The following SLIT3 variants were observed in gnomAD, a reference collection of about 807,000 sequenced individuals.
SLIT3 encodes slit homolog 3 protein.
In SLIT3, 68 loss-of-function variants were observed where a neutral mutation model predicts 184.0. The observed-to-expected ratio is 0.37, with a 90% CI of 0.30 to 0.45. The LOEUF (loss-of-function observed/expected upper bound fraction) is 0.45. Ranked by LOEUF, SLIT3 falls within the 20% of genes least tolerant of loss-of-function variation. The pLI, the probability that SLIT3 is intolerant of heterozygous loss-of-function variation, is 1.00. For missense variants in SLIT3, 1,707 were observed against 2,026.0 expected (o/e 0.84, Z 3.02); for synonymous variants, 831 against 828.6 (o/e 1.00, Z -0.05).
intron 4 of SLIT3, among the ~76,000 whole-genome samples, chr5:168,960,160 C>T (rs374907196): frequency 6.4e-4 from 97 of 152,276 alleles, no homozygotes; most frequent in African/African-American, 2.3e-3. Flanking sequence ...TGTAGGAGGG[C>T]AGGGGCCATG....
chr5:169,285,732 C>T (rs952355326), intron 1 of SLIT3, among the ~76,000 whole-genome samples: 3 of 152,216 alleles, frequency 2.0e-5, no homozygotes, highest in Admixed American at 6.5e-5. Context: ...ATAGAGGTCA[C>T]ATGTGTAGAC....
chr5:168,750,819 G>T (rs73802380), intron 18 of SLIT3, among the ~76,000 whole-genome samples: 29 of 152,062 alleles, frequency 1.9e-4, no homozygotes, highest in African/African-American at 6.5e-4. Context: ...AAACATTAAG[G>T]ATGCAGCAGT....
chr5:168,680,380 A>G (rs1281988697), intron 32 of SLIT3, among the ~76,000 whole-genome samples: 3 of 152,238 alleles, frequency 2.0e-5, no homozygotes, highest in Non-Finnish European at 2.9e-5. Context: ...ATTTGTGATT[A>G]TGGCTGTGCA....
At chr5:168,800,441 G>C (rs1481455387) in intron 9 of SLIT3, among the ~76,000 whole-genome samples, 1 of 152,170 alleles carries the variant, frequency 6.6e-6, no homozygotes, top group Non-Finnish European at 1.5e-5. Context: ...AAAAAAATTA[G>C]CTGGGCATGG....
intron 4 of SLIT3, among the ~76,000 whole-genome samples, chr5:168,888,477 G>C (rs1306811029): frequency 6.6e-6 from 1 of 152,242 alleles, no homozygotes; most frequent in Non-Finnish European, 1.5e-5. Context: ...CCACCCCAAA[G>C]TATTCCTAAG....
intron 12 of SLIT3, among the ~76,000 whole-genome samples, chr5:168,778,597 G>A (rs1028831938): frequency 1.3e-5 from 2 of 152,230 alleles, no homozygotes; most frequent in African/African-American, 2.4e-5. Context: ...GTTCTTTACT[G>A]AGTGGCTTGC....
At chr5:168,756,847 T>C (rs759585945) in intron 16 of SLIT3, among the ~76,000 whole-genome samples, 5 of 152,198 alleles carry the variant, frequency 3.3e-5, no homozygotes, top group Non-Finnish European at 4.4e-5. Flanking sequence ...AAAGCAGCTA[T>C]GAAGTGGGAG....
At chr5:168,987,396 T>C (rs1425371270) in intron 4 of SLIT3, among the ~76,000 whole-genome samples, 1 of 152,234 alleles carries the variant, frequency 6.6e-6, no homozygotes, top group Non-Finnish European at 1.5e-5. Context: ...TATAGCCTAG[T>C]GGTCCAGACC....
chr5:168,848,435 A>G (rs1441011920), intron 5 of SLIT3, among the ~76,000 whole-genome samples: 1 of 152,212 alleles, frequency 6.6e-6, no homozygotes, highest in African/African-American at 2.4e-5. Flanking sequence ...GGGAACGGGA[A>G]GGCAAGAAAT....
At chr5:169,161,766 G>A (rs7722646) in intron 4 of SLIT3, among the ~76,000 whole-genome samples, 4,419 of 151,956 alleles carry the variant, frequency 0.029, 84 homozygotes, top group South Asian at 0.095. Context: ...AGACAGGCCA[G>A]GTACTGTCCA....
At chr5:169,280,231 G>A (rs1029540905) in intron 1 of SLIT3, among the ~76,000 whole-genome samples, 9 of 152,216 alleles carry the variant, frequency 5.9e-5, no homozygotes, top group African/African-American at 2.2e-4. Flanking sequence ...ATGCAAGGAG[G>A]TGCTATCAAA....
rs746573663 is a variant in SLIT3, at chr5:168,772,852, C to T, written c.1388G>A (p.Arg463His). 2.0e-5 allele frequency: 32 copies of T among 1,613,938 alleles called. No homozygotes were observed. Among genetic ancestry groups the T allele is most frequent in the East Asian group, 1.8e-4 (8 of 44,886 alleles). ...QDNPIETSGA[R>H]CSSPRRLANK... Reference sequence around the variant, plus strand: ...GGCGAGTCGGCGCGGGCTGCTGCAGCGGGCCCCGCTTGTCTCGATGGGGTT... The same window carrying T: ...GGCGAGTCGGCGCGGGCTGCTGCAGTGGGCCCCGCTTGTCTCGATGGGGTT... The change falls in exon 14 of 36, where the codon CGC becomes CAC. Residue 463 changes from arginine to histidine, a missense_variant. By Grantham distance (29) the Arg-to-His change is conservative (BLOSUM62 0). Transcript: ENST00000519560.
At chr5:169,147,101 T>C (rs748608097) in intron 4 of SLIT3, among the ~76,000 whole-genome samples, 8 of 152,224 alleles carry the variant, frequency 5.3e-5, no homozygotes, top group South Asian at 2.1e-4. Flanking sequence ...CTGATACTCC[T>C]ATGCAGCCCC....
rs1022802938 is a variant in SLIT3, at chr5:168,684,066, G to C, written c.3586C>G (p.Leu1196Val). The change falls in exon 32 of 36, where the codon CTC (leucine) becomes GTC (valine). Residue 1196 changes from leucine (L) to valine (V), a missense_variant. Leu to Val is a conservative substitution (Grantham distance 32, BLOSUM62 1). Around this residue, in one of 3 missense-constraint regions of SLIT3, gnomAD observed 387 missense variants for 477.9 expected, o/e 0.81. Coordinates refer to ENST00000519560, the MANE Select transcript of SLIT3 (RefSeq NM_003062.4). ...AGGGGGTCATTGTCTCCTTTGTAGA[G>C]AAGGATGCCGTTGTCCTTGTCAGTG... ...VATDKDNGILLYKGDNDPLAL... is the reference protein window; with the variant it reads ...VATDKDNGILVYKGDNDPLAL... The C allele has an allele frequency of 1.2e-6, 2 of 1,606,850 alleles. No homozygotes were observed. Among genetic ancestry groups the C allele is most frequent in the Non-Finnish European group, 1.7e-6 (2 of 1,176,320 alleles).
At chr5:168,699,083 A>G (rs923700231) in intron 27 of SLIT3, among the ~76,000 whole-genome samples, 4 of 152,106 alleles carry the variant, frequency 2.6e-5, no homozygotes, top group African/African-American at 9.7e-5. Flanking sequence ...GGCCACCTCC[A>G]TGTTTCCCTG....
intron 1 of SLIT3, among the ~76,000 whole-genome samples, chr5:169,256,146 T>C (rs1244723516): frequency 6.6e-6 from 1 of 152,072 alleles, no homozygotes; most frequent in Non-Finnish European, 1.5e-5. Flanking sequence ...TGTGCCTTTC[T>C]TTTCTATGTC....
Position 169,108,485 on chromosome 5 carries a change from A to C in SLIT3, c.413+84994T>G, listed in dbSNP as rs114504029. Reference sequence around the variant, plus strand: ...GCTAGGGAAGAAGCTGGGTTGGAGGAAAGGTAGAGGCAGATGAAGGGCACA... The same window carrying C: ...GCTAGGGAAGAAGCTGGGTTGGAGGCAAGGTAGAGGCAGATGAAGGGCACA... On this transcript the variant is annotated intron_variant, in intron 4 of 35. Transcript: ENST00000519560. Among the ~76,000 whole-genome samples the C allele has an allele frequency of 8.6e-3, 1,316 of 152,306 alleles. 30 individuals carry two copies. The highest frequency in any genetic ancestry group is 0.03 in the African/African-American group (1,265 of 41,568).
At chr5:168,721,117 T>C (rs901182106) in intron 23 of SLIT3, among the ~76,000 whole-genome samples, 2 of 152,212 alleles carry the variant, frequency 1.3e-5, no homozygotes, top group Non-Finnish European at 2.9e-5. Context: ...ATCACTATTA[T>C]AGTAATAATG....
chr5:169,043,754 C>T (rs1481035870), intron 4 of SLIT3, among the ~76,000 whole-genome samples: 1 of 152,162 alleles, frequency 6.6e-6, no homozygotes, highest in African/African-American at 2.4e-5. Flanking sequence ...TCTCCATTCC[C>T]CACTCCAGTT....
Sources: allele counts gnomAD v4.1 joint callset (sites outside exome capture counted in the v4.1 genomes callset), GRCh38; gene constraint gnomAD v4.1.1; regional missense constraint gnomAD v4.1.1; transcripts MANE v1.5; gene names NCBI Gene and HGNC (gene_info 2026-07-23, HGNC 2026-07-21).